OR51B5: variants seen among roughly 807,000 people sequenced by gnomAD.
OR51B5 encodes the protein olfactory receptor family 51 subfamily B member 5.
For synonymous variants in OR51B5, 186 were observed against 144.8 expected (o/e 1.28, Z -2.04); for missense variants, 456 against 374.6 (o/e 1.22, Z -1.79).
At chr11:5,370,176 C>A (rs1164171570) in intron 1 of OR51B5, among the ~76,000 whole-genome samples, 1 of 152,148 alleles carries the variant, frequency 6.6e-6, no homozygotes, top group African/African-American at 2.4e-5. Flanking sequence ...AAATAATGCT[C>A]ATAATCATCA....
At chr11:5,500,690 T>C (rs1182831259) in intron 1 of OR51B5, among the ~76,000 whole-genome samples, 1 of 148,256 alleles carries the variant, frequency 6.7e-6, no homozygotes, top group Non-Finnish European at 1.5e-5. Context: ...GTCACTTCTA[T>C]GAAGACCCAC....
At chr11:5,395,573 T>G (rs781746406) in intron 1 of OR51B5, among the ~76,000 whole-genome samples, 8 of 152,094 alleles carry the variant, frequency 5.3e-5, no homozygotes, top group Non-Finnish European at 1.0e-4. Flanking sequence ...TGATACAGGG[T>G]TGTGGCAGGC....
chr11:5,389,159 C>T (rs1849750124), intron 1 of OR51B5, among the ~76,000 whole-genome samples: 1 of 152,078 alleles, frequency 6.6e-6, no homozygotes, highest in Admixed American at 6.6e-5. Context: ...GCAATAAAGG[C>T]ACACCAGCAA....
chr11:5,370,434 C>G (rs1422744294), intron 1 of OR51B5, among the ~76,000 whole-genome samples: 1 of 152,162 alleles, frequency 6.6e-6, no homozygotes. Flanking sequence ...TTCAAATCTT[C>G]AGAGGATCAT....
At position 5,356,213 on chromosome 11, in the gene OR51B5, A is replaced by G. The variant is rs182776678; in HGVS notation, n.85-9303T>C. ...AGGAAGCTCGAACCCATGGCAAAAA[A>G]GTTAAAAACCTTGAAAATAAATTAG... On this transcript the variant is annotated intron_variant and non_coding_transcript_variant, in intron 1 of 4. Coordinates refer to the OR51B5 transcript ENST00000415970. Among the ~76,000 whole-genome samples, 184 of 152,308 alleles carry G rather than the reference A, an allele frequency of 1.2e-3. 1 individual carries two copies. The highest frequency in any genetic ancestry group is 4.2e-3 in the African/African-American group (174 of 41,566).
chr11:5,455,025 T>C (rs1270328761), intron 1 of OR51B5: 1 of 152,320 alleles, frequency 6.6e-6, no homozygotes, highest in Non-Finnish European at 1.5e-5. Context: ...TACATTGCTT[T>C]AACTTCACAA....
intron 1 of OR51B5, among the ~76,000 whole-genome samples, chr11:5,432,672 G>A (rs939104036): frequency 1.3e-5 from 2 of 152,168 alleles, no homozygotes; most frequent in Non-Finnish European, 2.9e-5. Context: ...TGTAGGATAA[G>A]CAAGATATTA....
intron 1 of OR51B5, chr11:5,488,921 C>T (rs765122270): frequency 6.2e-7 from 1 of 1,614,084 alleles, no homozygotes; most frequent in Non-Finnish European, 8.5e-7. Flanking sequence ...CTCTCACTCA[C>T]AGACCTGGCT....
intron 1 of OR51B5, among the ~76,000 whole-genome samples, chr11:5,466,765 T>TG (rs1391415969): frequency 1.3e-5 from 2 of 152,206 alleles, no homozygotes; most frequent in Non-Finnish European, 2.9e-5. Flanking sequence ...CCTCTGTTGC[T>TG]GTTCAAATGG....
chr11:5,401,806 T>C (rs1384847639), intron 1 of OR51B5, among the ~76,000 whole-genome samples: 1 of 22,300 alleles, frequency 4.5e-5, no homozygotes. Context: ...ATGCATAATC[T>C]TTCTTTTCTT....
intron 1 of OR51B5, among the ~76,000 whole-genome samples, chr11:5,436,356 A>C (rs2133772305): frequency 6.6e-6 from 1 of 152,350 alleles, no homozygotes; most frequent in African/African-American, 2.4e-5. Flanking sequence ...ACTCTTCATG[A>C]AAGTTCTGGA....
chr11:5,441,272 G>A (rs754920501), intron 1 of OR51B5: 1 of 1,613,876 alleles, frequency 6.2e-7, no homozygotes, highest in Non-Finnish European at 8.5e-7. Flanking sequence ...AAATCACAGT[G>A]GGAAGTGTAG....
chr11:5,403,620 G>C (rs1850009334), intron 1 of OR51B5: 1 of 408,270 alleles, frequency 2.4e-6, no homozygotes, highest in African/African-American at 2.1e-5. Flanking sequence ...GCCCTAGATT[G>C]CATGTTATGC....
chr11:5,466,047 G>A (rs926905858), intron 1 of OR51B5, among the ~76,000 whole-genome samples: 2 of 151,974 alleles, frequency 1.3e-5, no homozygotes, highest in African/African-American at 2.4e-5. Context: ...GAAAATTTTT[G>A]CAACCTACTC....
intron 1 of OR51B5, among the ~76,000 whole-genome samples, chr11:5,471,777 T>G (rs1310342498): frequency 6.6e-6 from 1 of 152,200 alleles, no homozygotes; most frequent in Non-Finnish European, 1.5e-5. Flanking sequence ...AGTTTTTATT[T>G]CACTTTTGCT....
chr11:5,382,673 C>T (rs900416439), intron 1 of OR51B5, among the ~76,000 whole-genome samples: 16 of 152,228 alleles, frequency 1.1e-4, no homozygotes, highest in African/African-American at 2.9e-4. Flanking sequence ...CCTATTGTAC[C>T]GAAGCCAGAA....
intron 1 of OR51B5, among the ~76,000 whole-genome samples, chr11:5,487,632 G>T (rs1358263526): frequency 2.0e-5 from 3 of 152,182 alleles, no homozygotes; most frequent in Admixed American, 2.0e-4. Flanking sequence ...GAGACAATGT[G>T]TATAATACTA....
At chr11:5,434,714 T>C (rs955985813) in intron 1 of OR51B5, among the ~76,000 whole-genome samples, 6 of 152,156 alleles carry the variant, frequency 3.9e-5, no homozygotes, top group Admixed American at 6.6e-5. Context: ...ACTCAATCTG[T>C]GGATGGAAAA....
intron 1 of OR51B5, among the ~76,000 whole-genome samples, chr11:5,442,697 C>A: frequency 6.6e-6 from 1 of 152,114 alleles, no homozygotes; most frequent in East Asian, 1.9e-4. Flanking sequence ...TTTCTGAGAT[C>A]TTCGATGTCG....
Sources: gnomAD v4.1 joint callset for allele counts (sites outside exome capture counted in the v4.1 genomes callset) on GRCh38, gnomAD v4.1.1 for gene constraint, MANE v1.5 for transcripts, NCBI Gene and HGNC (gene_info 2026-07-23, HGNC 2026-07-21) for gene names.